Variants in PAPOLA observed in about 807,000 individuals in gnomAD.
PAPOLA encodes the protein polynucleotide adenylyltransferase alpha.
PAPOLA carries 15 observed loss-of-function variants against 100.6 expected under a neutral mutation model. The ratio of observed to expected loss-of-function variants is 0.15; its 90% CI spans 0.10 to 0.23. PAPOLA has a LOEUF of 0.23. Among genes scored for constraint, PAPOLA ranks in the 10% least tolerant of loss-of-function variants. The pLI is 1.00. For synonymous variants in PAPOLA, 293 were observed against 300.0 expected (o/e 0.98, Z 0.24); for missense variants, 533 against 884.2 (o/e 0.60, Z 5.04).
intron 1 of PAPOLA, among the ~76,000 whole-genome samples, chr14:96,512,730 G>A (rs1268943099): frequency 2.6e-5 from 4 of 152,166 alleles, no homozygotes; most frequent in African/African-American, 7.2e-5. Context: ...AGCATGTACT[G>A]TAATTAACAA....
chr14:96,520,132 C>T lies in PAPOLA; in HGVS notation c.86C>T (p.Ala29Val). Residue 29 changes from alanine to valine, a missense_variant, in exon 2 of 22, where the codon GCA becomes GTA. Physicochemically the swap from Ala to Val is moderately conservative, Grantham distance 64. This residue lies in a region of PAPOLA where 48 missense variants were observed against 52.3 expected (regional missense o/e 0.92). Coordinates refer to ENST00000216277, the MANE Select transcript of PAPOLA (RefSeq NM_032632.5). Reference protein sequence around the residue: ...HYGITSPISLAAPKETDCVLT... With the variant: ...HYGITSPISLVAPKETDCVLT... ...GGCATTACTTCTCCTATCAGCTTAG[C>T]AGCCCCCAAGGAGACTGACTGCGTA... 1 of 1,613,754 alleles carries T rather than the reference C, an allele frequency of 6.2e-7. No individual in the cohort carries two copies. Among genetic ancestry groups the T allele is most frequent in the Non-Finnish European group, 8.5e-7 (1 of 1,179,646 alleles).
chr14:96,556,011 T>G, intron 18 of PAPOLA, 64 bp downstream of exon 18: 1 of 1,269,644 alleles, frequency 7.9e-7, no homozygotes, highest in Non-Finnish European at 1.1e-6. Flanking sequence ...GCCTTCATTT[T>G]GAAAAGTGGG....
intron 1 of PAPOLA, among the ~76,000 whole-genome samples, chr14:96,505,541 G>GT (rs1471025754): frequency 4.6e-5 from 7 of 152,136 alleles, no homozygotes; most frequent in Admixed American, 4.6e-4. Context: ...ACCAAAAAGA[G>GT]TTACTGCAAG....
chr14:96,516,299 T>A (rs1897455895), intron 1 of PAPOLA, among the ~76,000 whole-genome samples: 1 of 152,094 alleles, frequency 6.6e-6, no homozygotes, highest in Non-Finnish European at 1.5e-5. Context: ...ATTTGGTAGG[T>A]CTATGTTAAC....
At chr14:96,509,465 AGT>A in intron 1 of PAPOLA, among the ~76,000 whole-genome samples, 1 of 152,266 alleles carries the variant, frequency 6.6e-6, no homozygotes, top group South Asian at 2.1e-4. Flanking sequence ...AGTAACATAT[AGT>A]GTATACTTGT....
intron 3 of PAPOLA, among the ~76,000 whole-genome samples, chr14:96,522,371 G>A (rs141994169): frequency 1.2e-4 from 18 of 151,358 alleles, no homozygotes; most frequent in Non-Finnish European, 2.7e-4. Flanking sequence ...TGCCCACCTC[G>A]GCCTTTCAAA....
At chr14:96,541,131 G>T (rs953229653) in intron 12 of PAPOLA, among the ~76,000 whole-genome samples, 1 of 152,064 alleles carries the variant, frequency 6.6e-6, no homozygotes, top group African/African-American at 2.4e-5. Context: ...CTTGTGATCC[G>T]CCCGCCTCGG....
chr14:96,533,957 A>G, intron 9 of PAPOLA: 7 of 985,430 alleles, frequency 7.1e-6, no homozygotes, highest in South Asian at 4.7e-5. Context: ...TACCTCTTTC[A>G]TATGGGACCA....
chr14:96,502,552 T>A lies in PAPOLA; in HGVS notation c.-41T>A, dbSNP rs1219218358. ...TGCCCAGGGCGGCAGCGGCGGCGGTTGCGGGGGGGAAGTGACTGGGCGGTG... is the reference window on the plus strand; with the variant it reads ...TGCCCAGGGCGGCAGCGGCGGCGGTAGCGGGGGGGAAGTGACTGGGCGGTG... On this transcript the variant is annotated 5_prime_UTR_variant, in exon 1 of 22. Transcript: ENST00000216277. 2 of 1,513,812 alleles carry A rather than the reference T, an allele frequency of 1.3e-6. No individual in the cohort carries two copies. The highest frequency in any genetic ancestry group is 2.5e-5 in the South Asian group (2 of 81,090). 93.8% of individuals were successfully genotyped at this position (1,513,812 alleles called of 1,614,324 possible).
chr14:96,532,844 G>C, intron 9 of PAPOLA, 195 bp downstream of exon 9: 1 of 1,313,014 alleles, frequency 7.6e-7, no homozygotes, highest in Non-Finnish European at 9.6e-7. Flanking sequence ...GGCCAGGATA[G>C]TAAGGCAGAT....
chr14:96,535,765 A>G (rs1469106969), intron 10 of PAPOLA, 114 bp from the exon 11 acceptor site: 6 of 987,454 alleles, frequency 6.1e-6, no homozygotes, highest in Non-Finnish European at 8.3e-6. Flanking sequence ...TCTCAACTCC[A>G]GCTATGAATG....
intron 21 of PAPOLA, among the ~76,000 whole-genome samples, chr14:96,564,329 T>C (rs561424646): frequency 1.3e-5 from 2 of 152,242 alleles, no homozygotes; most frequent in Admixed American, 1.3e-4. Flanking sequence ...GGATGCATTA[T>C]ACAGTGCTCT....
chr14:96,528,717 T>C (rs1371709568), intron 6 of PAPOLA, among the ~76,000 whole-genome samples: 1 of 152,200 alleles, frequency 6.6e-6, no homozygotes, highest in Non-Finnish European at 1.5e-5. Context: ...CGAGACTTAA[T>C]CTCTTTAAAA....
intron 9 of PAPOLA, chr14:96,533,173 T>C: frequency 1.0e-6 from 1 of 983,908 alleles, no homozygotes; most frequent in Non-Finnish European, 1.2e-6. Flanking sequence ...TTAACCCAGA[T>C]TTTTTTAAGT....
chr14:96,548,646 G>A (rs1900584655), intron 16 of PAPOLA, among the ~76,000 whole-genome samples: 2 of 152,062 alleles, frequency 1.3e-5, no homozygotes, highest in Admixed American at 1.3e-4. Context: ...AATAAAAAAG[G>A]CACATGTATG....
Position 96,507,280 on chromosome 14 carries a change from G to GTTTT in PAPOLA, c.8+4702_8+4705dup, listed in dbSNP as rs71103533. On this transcript the variant is annotated intron_variant, in intron 1 of 21. Coordinates refer to ENST00000216277, the MANE Select transcript of PAPOLA (RefSeq NM_032632.5). ...ACTAAATTTTTTGTTTTGGAAAATA[G>GTTTT]TTTTTTTTTTTTTTTTTTTTTTTTT... Among the ~76,000 whole-genome samples the GTTTT allele has an allele frequency of 7.2e-3, 578 of 80,720 alleles. 9 individuals are homozygous for GTTTT. The highest frequency in any genetic ancestry group is 8.4e-3 in the Non-Finnish European group (395 of 46,842). 53.0% of individuals were successfully genotyped at this position (80,720 alleles called of 152,430 possible). A position where few individuals can be genotyped will look rare whatever the true frequency, so the allele number is the denominator to read the frequency against.
chr14:96,549,480 C>T (rs1455323236), intron 16 of PAPOLA, among the ~76,000 whole-genome samples: 2 of 152,044 alleles, frequency 1.3e-5, no homozygotes, highest in Non-Finnish European at 2.9e-5. Flanking sequence ...GATCTCCTGG[C>T]CTCGTGATCC....
intron 10 of PAPOLA, chr14:96,535,654 G>T: frequency 1.0e-6 from 1 of 975,500 alleles, no homozygotes; most frequent in Non-Finnish European, 1.3e-6. Context: ...TTCTAGTAAG[G>T]TTGCCAAAAT....
At chr14:96,560,787 TG>T in intron 20 of PAPOLA, 76 bp downstream of exon 20, 1 of 961,648 alleles carries the variant, frequency 1.0e-6, no homozygotes, top group Non-Finnish European at 1.6e-6. Flanking sequence ...TCTAAAATAT[TG>T]TATTTTTGTG....
Sources: gnomAD v4.1 joint callset for allele counts (sites outside exome capture counted in the v4.1 genomes callset) on GRCh38, gnomAD v4.1.1 for gene constraint, gnomAD v4.1.1 regional missense constraint, MANE v1.5 for transcripts, NCBI Gene and HGNC (gene_info 2026-07-23, HGNC 2026-07-21) for gene names.